Variants in SLC12A1 observed in about 807,000 individuals in gnomAD.
SLC12A1 encodes the protein solute carrier family 12 member 1.
In SLC12A1, 89 loss-of-function variants were observed where a neutral mutation model predicts 130.4. The ratio of observed to expected loss-of-function variants is 0.68; its 90% CI spans 0.58 to 0.81. The LOEUF (loss-of-function observed/expected upper bound fraction) is 0.81, where lower values mean the gene tolerates loss of function less well. Ranked by LOEUF, SLC12A1 falls within the 40% of genes least tolerant of loss-of-function variation. The pLI, the probability that SLC12A1 is intolerant of heterozygous loss-of-function variation, is 0.00. For missense variants in SLC12A1, 1,310 were observed against 1,336.4 expected (o/e 0.98, Z 0.31); for synonymous variants, 499 against 460.0 (o/e 1.08, Z -1.09).
In SLC12A1 at chr15:48,281,291, G is replaced by A. The variant is rs542744586; in HGVS notation, c.2486-3815G>A. ...TGTTTGGCATTGTACTTGGCATACAGTAAACTCTCAATAAATGTTGGTGAT... is the reference window on the plus strand; with the variant it reads ...TGTTTGGCATTGTACTTGGCATACAATAAACTCTCAATAAATGTTGGTGAT... On this transcript the variant is annotated intron_variant, in intron 20 of 26. Transcript: ENST00000380993. 6.6e-5 allele frequency among the ~76,000 whole-genome samples: 10 copies of A among 152,302 alleles called. 1 individual carries two copies. The highest frequency in any genetic ancestry group is 6.2e-4 in the South Asian group (3 of 4,828).
At chr15:48,275,691 G>A (rs973186814) in intron 20 of SLC12A1, among the ~76,000 whole-genome samples, 10 of 151,852 alleles carry the variant, frequency 6.6e-5, no homozygotes, top group African/African-American at 2.4e-4. Flanking sequence ...AGAGAGGAAT[G>A]GAATATGTAG....
intron 17 of SLC12A1, among the ~76,000 whole-genome samples, chr15:48,266,111 G>T (rs1305191851): frequency 6.6e-6 from 1 of 152,072 alleles, no homozygotes; most frequent in South Asian, 2.1e-4. Flanking sequence ...TATCATATTG[G>T]GCAGTGATGA....
At chr15:48,234,727 TG>T in intron 8 of SLC12A1, 149 bp from the exon 9 acceptor site, 2 of 659,488 alleles carry the variant, frequency 3.0e-6, no homozygotes, top group Non-Finnish European at 2.5e-6. Context: ...CACTCCAGCC[TG>T]GGCAACAGAG....
At chr15:48,222,669 C>G (rs904415383) in intron 4 of SLC12A1, 6 of 152,076 alleles carry the variant, frequency 3.9e-5, no homozygotes, top group Non-Finnish European at 7.4e-5. Context: ...CAACCTTACT[C>G]AGTTTTACTG....
At chr15:48,239,192 T>C (rs986988271) in intron 9 of SLC12A1, among the ~76,000 whole-genome samples, 2 of 152,164 alleles carry the variant, frequency 1.3e-5, no homozygotes, top group East Asian at 1.9e-4. Flanking sequence ...CATTAATATA[T>C]TGGCATCCAG....
chr15:48,264,370 C>A (rs1297916240), intron 17 of SLC12A1, among the ~76,000 whole-genome samples: 2 of 152,068 alleles, frequency 1.3e-5, no homozygotes, highest in Non-Finnish European at 2.9e-5. Flanking sequence ...ACAGAAGACA[C>A]CTACCTCTTA....
intron 24 of SLC12A1, 73 bp downstream of exon 24, chr15:48,291,937 C>G (rs2042126036): frequency 1.0e-6 from 1 of 992,256 alleles, no homozygotes; most frequent in African/African-American, 1.6e-5. Flanking sequence ...GATTATCAAA[C>G]AGTAAAAATG....
intron 17 of SLC12A1, 88 bp from the exon 18 acceptor site, chr15:48,267,473 A>G (rs1439178211): frequency 7.0e-7 from 1 of 1,431,672 alleles, no homozygotes; most frequent in South Asian, 1.3e-5. Flanking sequence ...TCAATGGGGC[A>G]TTGCTGGCTA....
At chr15:48,236,809 G>T (rs1024987612) in intron 9 of SLC12A1, among the ~76,000 whole-genome samples, 2 of 152,136 alleles carry the variant, frequency 1.3e-5, no homozygotes, top group African/African-American at 4.8e-5. Context: ...TGAACTTCTG[G>T]TTTGTCAGCT....
At chr15:48,257,654 G>C (rs2041723144) in intron 16 of SLC12A1, among the ~76,000 whole-genome samples, 1 of 152,146 alleles carries the variant, frequency 6.6e-6, no homozygotes, top group Non-Finnish European at 1.5e-5. Context: ...TTTTAGCCAT[G>C]GCTGGAGCAG....
chr15:48,256,251 C>A (rs1264090885), intron 16 of SLC12A1, among the ~76,000 whole-genome samples: 2 of 152,196 alleles, frequency 1.3e-5, no homozygotes, highest in Non-Finnish European at 2.9e-5. Flanking sequence ...CTGCTTAAGG[C>A]TTTAGGGCTT....
intron 4 of SLC12A1, chr15:48,224,318 G>GC (rs2041256125): frequency 6.6e-6 from 1 of 152,158 alleles, no homozygotes; most frequent in Non-Finnish European, 1.5e-5. Flanking sequence ...AGGTTCATTG[G>GC]CTGGGGGCCT....
chr15:48,266,695 C>T (rs2041835320), intron 17 of SLC12A1, among the ~76,000 whole-genome samples: 1 of 152,102 alleles, frequency 6.6e-6, no homozygotes, highest in African/African-American at 2.4e-5. Context: ...AAAAGAATTT[C>T]CTGGGAAAAT....
intron 9 of SLC12A1, among the ~76,000 whole-genome samples, chr15:48,235,988 G>T (rs1433216340): frequency 3.9e-5 from 6 of 152,198 alleles, no homozygotes; most frequent in Admixed American, 6.5e-5. Context: ...GGCGGGAAAT[G>T]TAGTCTGTAT....
chr15:48,269,813 G>C (rs575795978), intron 19 of SLC12A1, 49 bp downstream of exon 19: 2 of 1,026,294 alleles, frequency 1.9e-6, no homozygotes, highest in East Asian at 4.9e-5. Context: ...GCACTAAGCA[G>C]GGCAGTACAT....
At chr15:48,246,467 T>G (rs1360184618) in intron 11 of SLC12A1, among the ~76,000 whole-genome samples, 1 of 152,208 alleles carries the variant, frequency 6.6e-6, no homozygotes, top group Non-Finnish European at 1.5e-5. Flanking sequence ...GCCATTTCTA[T>G]TTTTAAAAAA....
At chr15:48,288,620 G>A (rs927731790) in intron 23 of SLC12A1, 104 bp downstream of exon 23, 1 of 628,210 alleles carries the variant, frequency 1.6e-6, no homozygotes, top group African/African-American at 1.8e-5. Flanking sequence ...TAGACTCAAA[G>A]ACAAAGCCAC....
At chr15:48,268,496 A>C (rs2041857964) in intron 18 of SLC12A1, among the ~76,000 whole-genome samples, 1 of 152,170 alleles carries the variant, frequency 6.6e-6, no homozygotes, top group Admixed American at 6.6e-5. Flanking sequence ...AGAAGTCAGA[A>C]CTGCATCCAG....
chr15:48,297,904 G>A (rs559352385), intron 24 of SLC12A1, among the ~76,000 whole-genome samples: 6 of 152,276 alleles, frequency 3.9e-5, no homozygotes, highest in Admixed American at 2.6e-4. Context: ...CTAAAGGCAC[G>A]ACACTGTTGA....
Sources: gnomAD v4.1 joint callset for allele counts (sites outside exome capture counted in the v4.1 genomes callset) on GRCh38, gnomAD v4.1.1 for gene constraint, MANE v1.5 for transcripts, NCBI Gene and HGNC (gene_info 2026-07-23, HGNC 2026-07-21) for gene names.